MYLK3: variants seen among roughly 807,000 people sequenced by gnomAD.
MYLK3 encodes MLC kinase.
In MYLK3, 55 loss-of-function variants were observed where a neutral mutation model predicts 76.3. That is an observed-to-expected ratio of 0.72 (90% CI 0.58 to 0.90). The LOEUF is 0.90. Ranked by LOEUF, MYLK3 falls within the 40% of genes least tolerant of loss-of-function variation. The pLI is 0.00. For synonymous variants in MYLK3, 416 were observed against 425.4 expected (o/e 0.98, Z 0.27); for missense variants, 973 against 1,053.6 (o/e 0.92, Z 1.06).
At chr16:46,716,497 ATGTG>A (rs869246629) in intron 9 of MYLK3, among the ~76,000 whole-genome samples, 969 of 21,610 alleles carry the variant, frequency 0.045, 4 homozygotes, top group Non-Finnish European at 0.14. Context: ...GTGTATATAT[ATGTG>A]TGTGTGTGTG....
chr16:46,746,834 G>C (rs1967033691), intron 1 of MYLK3, among the ~76,000 whole-genome samples: 1 of 152,124 alleles, frequency 6.6e-6, no homozygotes. Context: ...GGGCAGCTCT[G>C]AAGGAGCTGC....
chr16:46,738,051 C>T lies in MYLK3; in HGVS notation c.661G>A (p.Val221Ile), dbSNP rs773986726. ...GLGADPAQAV[V>I]SPGQGDGVPG... ...ACACCATCTCCCTGGCCCGGTGAGA[C>T]CACTGCCTGGGCGGGGTCAGCTCCC... The change falls in exon 3 of 13, where the codon GTC becomes ATC. Residue 221 changes from valine to isoleucine, a missense_variant. Val to Ile is a conservative substitution (Grantham distance 29). This residue lies in a region of MYLK3 where 641 missense variants were observed against 637.0 expected (regional missense o/e 1.01). Coordinates refer to ENST00000394809, the MANE Select transcript of MYLK3 (RefSeq NM_182493.3). 8.8e-5 allele frequency: 141 copies of T among 1,609,378 alleles called. No homozygotes were observed. Among genetic ancestry groups the T allele is most frequent in the Non-Finnish European group, 1.1e-4 (129 of 1,178,778 alleles).
intron 9 of MYLK3, among the ~76,000 whole-genome samples, chr16:46,717,365 C>A (rs1966752715): frequency 1.3e-5 from 2 of 152,198 alleles, no homozygotes; most frequent in South Asian, 4.1e-4. Flanking sequence ...CCCCAAACAG[C>A]CACTCAGCAT....
Position 46,712,719 on chromosome 16 carries a change from TG to T in MYLK3, c.2042del (p.Pro681GlnfsTer33). 2 of 1,599,682 alleles carry T rather than the reference TG, an allele frequency of 1.3e-6. No individual in the cohort carries two copies. Among genetic ancestry groups the T allele is most frequent in the Non-Finnish European group, 8.5e-7 (1 of 1,172,886 alleles). On this transcript the variant is annotated frameshift_variant, in exon 10 of 13. Transcript: ENST00000394809. LOFTEE classifies it high-confidence loss of function. ...AGACAAACTCATAATTGACGACTTC[TG>T]GGGCCAGGAACTCAGGAGTGCCGAA... ...VNFGTPEFLA[P>X]EVVNYEFVSF...
chr16:46,716,430 C>T (rs537780926), intron 9 of MYLK3, among the ~76,000 whole-genome samples: 26 of 150,096 alleles, frequency 1.7e-4, no homozygotes, highest in African/African-American at 6.2e-4. Flanking sequence ...ATATATAGCC[C>T]GCATATATGT....
Position 46,721,223 on chromosome 16 carries a change from A to G in MYLK3, c.1915-30T>C, listed in dbSNP as rs549226012. 99 of 1,609,744 alleles carry G rather than the reference A, an allele frequency of 6.2e-5. No homozygotes were observed. The South Asian group carries it at 9.7e-4, about 16-fold the overall frequency. ...GAAAGAAAGAAGTCTGCTTAGCCCAAGCAATAGCTGAGGAGGTCTGCAGCT... is the reference window on the plus strand; with the variant it reads ...GAAAGAAAGAAGTCTGCTTAGCCCAGGCAATAGCTGAGGAGGTCTGCAGCT... On this transcript the variant is annotated intron_variant, in intron 8 of 12. Transcript: ENST00000394809.
intron 1 of MYLK3, among the ~76,000 whole-genome samples, chr16:46,741,805 C>G (rs992149797): frequency 4.1e-5 from 6 of 147,126 alleles, no homozygotes; most frequent in African/African-American, 1.5e-4. Flanking sequence ...GAGTCTCGCT[C>G]TGTTGTCCAG....
Position 46,727,227 on chromosome 16 carries a change from A to T in MYLK3, c.1914+9T>A. 6.2e-7 allele frequency: 1 copy of T among 1,613,248 alleles called. No homozygotes were observed. Among genetic ancestry groups the T allele is most frequent in the South Asian group, 1.1e-5 (1 of 91,044 alleles). On this transcript the variant is annotated intron_variant, in intron 8 of 12. Transcript: ENST00000394809. ...GGGGCCCCTACCGCATGCCCAGGGC[A>T]GAACCCACCTTGAGGTCCAGGTGCA... is the stretch of plus-strand genomic sequence containing the variant.
At chr16:46,723,650 C>CT (rs34270947) in intron 8 of MYLK3, among the ~76,000 whole-genome samples, 113,424 of 130,444 alleles carry the variant, frequency 0.87, 49,747 homozygotes, top group Middle Eastern at 0.93. Flanking sequence ...CTAGCTGATG[C>CT]TTTTTTTTTT....
chr16:46,737,611 C>G, intron 3 of MYLK3, 100 bp downstream of exon 3: 1 of 1,209,516 alleles, frequency 8.3e-7, no homozygotes, highest in East Asian at 2.4e-5. Flanking sequence ...GCAAGAACAG[C>G]CCAGGAACAT....
rs149605318 is a variant in MYLK3, at chr16:46,734,702, A to G, written c.1002-2034T>C. ...AATACTCAGATTCATGGAGACAGAAAGTACAATGGTGGCTGTCAAGGGCTG... is the reference window on the plus strand; with the variant it reads ...AATACTCAGATTCATGGAGACAGAAGGTACAATGGTGGCTGTCAAGGGCTG... On this transcript the variant is annotated intron_variant, in intron 3 of 12. Transcript: ENST00000394809. Among the ~76,000 whole-genome samples the G allele has an allele frequency of 1.2e-4, 19 of 152,284 alleles. No individual in the cohort carries two copies. The East Asian group carries it at 3.7e-3, about 29-fold the overall frequency.
At chr16:46,730,418 C>G (rs1021809122) in intron 5 of MYLK3, among the ~76,000 whole-genome samples, 175 bp downstream of exon 5, 2 of 152,126 alleles carry the variant, frequency 1.3e-5, no homozygotes, top group African/African-American at 2.4e-5. Flanking sequence ...TCTCTTTCCC[C>G]TACTCTGTGG....
At position 46,738,881 on chromosome 16, in the gene MYLK3, C is replaced by T. The variant is rs138913267; in HGVS notation, c.569-738G>A. On this transcript the variant is annotated intron_variant, in intron 2 of 12. Coordinates refer to ENST00000394809, the MANE Select transcript of MYLK3 (RefSeq NM_182493.3). ...TTGAGACAGAGTCTTGCTCTTGTCACCCAGGCTGGAGTACAGTGGCGTGAT... is the reference window on the plus strand; with the variant it reads ...TTGAGACAGAGTCTTGCTCTTGTCATCCAGGCTGGAGTACAGTGGCGTGAT... 8.4e-3 allele frequency among the ~76,000 whole-genome samples: 1,286 copies of T among 152,306 alleles called. 25 individuals are homozygous for T. Among genetic ancestry groups the T allele is most frequent in the African/African-American group, 0.029 (1,218 of 41,552 alleles).
At position 46,748,096 on chromosome 16, in the gene MYLK3, T is replaced by G. The variant is rs1285280741; in HGVS notation, c.98A>C (p.Asn33Thr). 17 of 1,614,126 alleles carry G rather than the reference T, an allele frequency of 1.1e-5. No individual in the cohort carries two copies. The South Asian group carries it at 1.9e-4, about 18-fold the overall frequency. ...GTGCAGGAGCTGGTCCACCTTCTCG[T>G]TCAGCATGTTCAGCTTTGTGTCCAT... is the stretch of plus-strand genomic sequence containing the variant. The part of the protein sequence containing the change: ...TTMDTKLNML[N>T]EKVDQLLHFQ... The change falls in exon 1 of 13, where the codon AAC becomes ACC. Residue 33 changes from asparagine to threonine, a missense_variant. Transcript: ENST00000394809. This position sits in a 1 kb window ranked among gnomAD's most constrained non-coding sequence, Gnocchi z 4.3.
chr16:46,704,632 TAAGTTA>T lies in MYLK3; in HGVS notation c.*3066_*3071del, dbSNP rs1326433520. 8.5e-5 allele frequency: 13 copies of T among 152,178 alleles called. No individual in the cohort carries two copies. Among genetic ancestry groups the T allele is most frequent in the Admixed American group, 8.5e-4 (13 of 15,278 alleles). The allele number at this position is 152,178 out of a possible 1,614,324, so 9.4% of individuals were successfully genotyped here. A position where few individuals can be genotyped will look rare whatever the true frequency, so the allele number is the denominator to read the frequency against. On this transcript the variant is annotated 3_prime_UTR_variant, in exon 13 of 13. Transcript: ENST00000394809. ...ACATATTGAAATATTTTTGATACAC[TAAGTTA>T]TATAAATTATTAAAATTGGCTTTCA... is the stretch of plus-strand genomic sequence containing the variant.
intron 9 of MYLK3, among the ~76,000 whole-genome samples, chr16:46,716,497 A>G (rs627193): frequency 0.069 from 1,503 of 21,650 alleles, 39 homozygotes; most frequent in East Asian, 0.32. Flanking sequence ...GTGTATATAT[A>G]TGTGTGTGTG....
Position 46,707,211 on chromosome 16 carries a change from A to G in MYLK3, c.*493T>C, listed in dbSNP as rs1383816817. The G allele has an allele frequency of 6.6e-6, 1 of 152,420 alleles. No individual in the cohort carries two copies. The highest frequency in any genetic ancestry group is 1.5e-5 in the Non-Finnish European group (1 of 68,178). The allele number at this position is 152,420 out of a possible 1,614,324, so 9.4% of individuals were successfully genotyped here. On this transcript the variant is annotated 3_prime_UTR_variant, in exon 13 of 13. Coordinates refer to ENST00000394809, the MANE Select transcript of MYLK3 (RefSeq NM_182493.3). Reference sequence around the variant, plus strand: ...TCAAAAGGGAGCATAAGTTAAAGCAAGTTTGAAGATCACTGTCCTAAATCC... The same window carrying G: ...TCAAAAGGGAGCATAAGTTAAAGCAGGTTTGAAGATCACTGTCCTAAATCC...
At chr16:46,754,188 T>C (rs960981878) in intron 1 of MYLK3, among the ~76,000 whole-genome samples, 2 of 151,998 alleles carry the variant, frequency 1.3e-5, no homozygotes, top group Non-Finnish European at 2.9e-5. Flanking sequence ...TTATATCTAA[T>C]TAACTGGAGT....
intron 8 of MYLK3, among the ~76,000 whole-genome samples, chr16:46,723,807 A>G (rs1387961028): frequency 6.6e-6 from 1 of 151,886 alleles, no homozygotes; most frequent in East Asian, 1.9e-4. Flanking sequence ...GTGCCACGAC[A>G]CCCAGATAAT....
Sources: gnomAD v4.1 joint callset for allele counts (sites outside exome capture counted in the v4.1 genomes callset) on GRCh38, gnomAD v4.1.1 for gene constraint, gnomAD v4.1.1 regional missense constraint, Gnocchi (gnomAD v3.1) non-coding constraint, MANE v1.5 for transcripts, NCBI Gene and HGNC (gene_info 2026-07-23, HGNC 2026-07-21) for gene names.